Variants in IFIH1 observed in about 807,000 individuals in gnomAD.
The protein encoded by IFIH1 is interferon induced with helicase C domain 1.
A neutral mutation model predicts 107.4 loss-of-function variants in IFIH1; 125 were observed. That is an observed-to-expected ratio of 1.16 (90% CI 1.01 to 1.35). The LOEUF is 1.35. Ranked by LOEUF, IFIH1 falls within the 40% of genes most tolerant of loss-of-function variation. IFIH1 has a pLI of 0.00. For missense variants in IFIH1, 1,333 were observed against 1,213.7 expected, an observed-to-expected ratio of 1.10 and a Z score of -1.46; for synonymous variants, 458 against 413.2, an observed-to-expected ratio of 1.11 and a Z score of -1.31.
intron 4 of IFIH1, 75 bp from the exon 5 acceptor site, chr2:162,288,430 T>C: frequency 9.4e-7 from 1 of 1,064,500 alleles, no homozygotes; most frequent in Non-Finnish European, 1.4e-6. Context: ...AAACTGAACG[T>C]AGGCCTCTTG....
At chr2:162,270,237 T>A (rs957831745) in intron 13 of IFIH1, among the ~76,000 whole-genome samples, 2 of 152,118 alleles carry the variant, frequency 1.3e-5, no homozygotes, top group African/African-American at 4.8e-5. Context: ...AGCAAAAAAA[T>A]TGAATCAATG....
At chr2:162,295,367 G>A (rs187271173) in intron 3 of IFIH1, among the ~76,000 whole-genome samples, 24 of 152,064 alleles carry the variant, frequency 1.6e-4, no homozygotes, top group African/African-American at 4.3e-4. Context: ...ACGTTGTTGT[G>A]TGTATTACTA....
intron 5 of IFIH1, 59 bp downstream of exon 5, chr2:162,288,076 A>G (rs1191910096): frequency 5.3e-6 from 6 of 1,127,904 alleles, no homozygotes; most frequent in Non-Finnish European, 7.9e-6. Context: ...GCCATCATAT[A>G]AAAGTTTCAG....
Position 162,267,568 on chromosome 2 carries a change from C to T in IFIH1, c.2809G>A (p.Glu937Lys). The change falls in exon 15 of 16, where the codon GAA becomes AAA. Residue 937 changes from glutamate to lysine, a missense_variant and splice_region_variant. Coordinates refer to ENST00000649979, the MANE Select transcript of IFIH1 (RefSeq NM_022168.4). The part of the protein sequence containing the change: ...HHVNMTPEFK[E>K]LYIVRENKAL... ...TTGTTTTCTCTTACAATGTAAAGTT[C>T]CCTATAAGTATCAAAGGGAAAGAAT... 1 of 1,594,546 alleles carries T rather than the reference C, an allele frequency of 6.3e-7. No homozygotes were observed.
At chr2:162,291,976 T>G (rs1683004064) in intron 4 of IFIH1, among the ~76,000 whole-genome samples, 1 of 151,880 alleles carries the variant, frequency 6.6e-6, no homozygotes, top group Non-Finnish European at 1.5e-5. Context: ...ATGTATTTGC[T>G]TTTCAAAAGT....
chr2:162,292,832 T>C (rs1023960206), intron 4 of IFIH1, among the ~76,000 whole-genome samples: 1 of 151,890 alleles, frequency 6.6e-6, no homozygotes, highest in Admixed American at 6.6e-5. Flanking sequence ...ACCCATCACC[T>C]ACATTTAATA....
chr2:162,275,298 CT>C (rs1480561172), intron 11 of IFIH1, among the ~76,000 whole-genome samples: 1 of 152,154 alleles, frequency 6.6e-6, no homozygotes, highest in African/African-American at 2.4e-5. Context: ...CACTCTACCT[CT>C]TTTTACAGAG....
intron 3 of IFIH1, among the ~76,000 whole-genome samples, chr2:162,306,054 T>A (rs1283181964): frequency 1.3e-5 from 2 of 152,232 alleles, no homozygotes; most frequent in Non-Finnish European, 2.9e-5. Context: ...TAAGCAACTA[T>A]TTCTTGTGAA....
chr2:162,288,313 A>T lies in IFIH1; in HGVS notation c.917T>A (p.Leu306His), dbSNP rs767577052. 1 of 1,612,716 alleles carries T rather than the reference A, an allele frequency of 6.2e-7. No individual in the cohort carries two copies. The highest frequency in any genetic ancestry group is 1.7e-5 in the Admixed American group (1 of 59,838). ...TTCCATTTGGTAAGGCCTGAGCTGGAGTTCTGGCTCCGGGGATGCTCTTGC... is the reference window on the plus strand; with the variant it reads ...TTCCATTTGGTAAGGCCTGAGCTGGTGTTCTGGCTCCGGGGATGCTCTTGC... ...VAARASPEPE[L>H]QLRPYQMEVA... is the part of the protein sequence containing the mutation. The change falls in exon 5 of 16, where the codon CTC becomes CAC. Residue 306 changes from leucine to histidine, a missense_variant. Leu to His is a moderately conservative substitution (Grantham distance 99). Transcript: ENST00000649979.
intron 1 of IFIH1, among the ~76,000 whole-genome samples, chr2:162,316,399 G>A (rs768730294): frequency 1.6e-4 from 24 of 152,102 alleles, no homozygotes; most frequent in Non-Finnish European, 2.8e-4. Flanking sequence ...ACTATAATGC[G>A]TTCTAGCTGG....
In IFIH1 at chr2:162,318,113, G is replaced by C. The variant is rs202187917; in HGVS notation, c.195C>G (p.Thr65=). 5.6e-6 allele frequency: 9 copies of C among 1,614,196 alleles called. No individual in the cohort carries two copies. The Admixed American group carries it at 1.0e-4, about 18-fold the overall frequency. Residue 65 remains threonine, a synonymous_variant, in exon 1 of 16, where the codon ACC becomes ACG. Coordinates refer to ENST00000649979, the MANE Select transcript of IFIH1 (RefSeq NM_022168.4). ...NMQAVELLLS[T]LEKGVWHLGW... The stretch of plus-strand genomic sequence containing the variant: ...CAAGGTGCCAGACTCCCTTCTCCAA[G>C]GTGCTCAGCAGCAGTTCAACTGCCT...
chr2:162,287,457 C>T lies in IFIH1; in HGVS notation c.1095+678G>A, dbSNP rs183403508. Among the ~76,000 whole-genome samples, 371 of 151,642 alleles carry T rather than the reference C, an allele frequency of 2.4e-3. 3 individuals carry two copies. The highest frequency in any genetic ancestry group is 8.4e-3 in the African/African-American group (347 of 41,420). On this transcript the variant is annotated intron_variant, in intron 5 of 15. Transcript: ENST00000649979. ...GCTCAAATGACTAGATTTTGTTTTA[C>T]GGTGAAGCAGACATATTTACTTATG... is the stretch of plus-strand genomic sequence containing the variant.
rs114873970 is a variant in IFIH1, at chr2:162,318,674, T to C, written c.-367A>G. ...GTCCAGCTTTCTGTCAGGCAGTTCT[T>C]ACAGAGTTTGCCTGACTTTGGTTTC... On this transcript the variant is annotated 5_prime_UTR_variant, in exon 1 of 16. Coordinates refer to ENST00000649979, the MANE Select transcript of IFIH1 (RefSeq NM_022168.4). 1.7e-3 allele frequency: 279 copies of C among 162,010 alleles called. 1 individual carries two copies. The highest frequency in any genetic ancestry group is 3.1e-3 in the Admixed American group (49 of 15,704). The allele number at this position is 162,010 out of a possible 1,614,324, so 10.0% of individuals were successfully genotyped here. A position where few individuals can be genotyped will look rare whatever the true frequency, so the allele number is the denominator to read the frequency against.
At chr2:162,305,336 G>T (rs964466485) in intron 3 of IFIH1, among the ~76,000 whole-genome samples, 3 of 152,106 alleles carry the variant, frequency 2.0e-5, no homozygotes, top group Non-Finnish European at 4.4e-5. Flanking sequence ...TTGGGAGGCC[G>T]AGTGGGGGGG....
At chr2:162,271,680 A>C (rs1235148644) in intron 13 of IFIH1, among the ~76,000 whole-genome samples, 2 of 152,172 alleles carry the variant, frequency 1.3e-5, no homozygotes, top group African/African-American at 4.8e-5. Flanking sequence ...ATATCATCCT[A>C]TTCTAATTCT....
chr2:162,289,531 T>C (rs963854265), intron 4 of IFIH1, among the ~76,000 whole-genome samples: 11 of 152,062 alleles, frequency 7.2e-5, no homozygotes, highest in Admixed American at 4.6e-4. Context: ...ATGAAATAAC[T>C]TCTTTTTCTT....
At chr2:162,274,594 A>G (rs1367907042) in intron 11 of IFIH1, among the ~76,000 whole-genome samples, 1 of 152,196 alleles carries the variant, frequency 6.6e-6, no homozygotes, top group Admixed American at 6.5e-5. Flanking sequence ...ATATAAATAA[A>G]AATGAAAGAA....
chr2:162,292,625 T>C (rs1366299386), intron 4 of IFIH1, among the ~76,000 whole-genome samples: 2 of 151,886 alleles, frequency 1.3e-5, no homozygotes, highest in Non-Finnish European at 1.5e-5. Flanking sequence ...CTGAATTATA[T>C]AATATATTCT....
At chr2:162,271,667 T>C (rs1483441869) in intron 13 of IFIH1, among the ~76,000 whole-genome samples, 1 of 152,206 alleles carries the variant, frequency 6.6e-6, no homozygotes, top group Non-Finnish European at 1.5e-5. Context: ...AGTCAGTTGT[T>C]TCATATCATC....
Sources: allele counts gnomAD v4.1 joint callset (sites outside exome capture counted in the v4.1 genomes callset), GRCh38; gene constraint gnomAD v4.1.1; transcripts MANE v1.5; gene names NCBI Gene and HGNC (gene_info 2026-07-23, HGNC 2026-07-21).